The following TGFA variants were observed in gnomAD, a reference collection of about 807,000 sequenced individuals.
TGFA encodes the protein transforming growth factor alpha.
TGFA carries 12 observed loss-of-function variants against 21.7 expected under a neutral mutation model. That is an observed-to-expected ratio of 0.55 (90% CI 0.35 to 0.90). The LOEUF is 0.90. Ranked by LOEUF, TGFA falls within the 40% of genes least tolerant of loss-of-function variation. The probability of loss-of-function intolerance (pLI) is 0.01; values close to 1 mark genes in which losing one functional copy is unlikely to be tolerated. For synonymous variants in TGFA, 79 were observed against 88.1 expected, an observed-to-expected ratio of 0.90 and a Z score of 0.58; for missense variants, 178 against 210.8, an observed-to-expected ratio of 0.84 and a Z score of 0.96.
intron 2 of TGFA, among the ~76,000 whole-genome samples, chr2:70,504,450 A>ATATATATATATATATATG (rs1671844802): frequency 1.4e-5 from 1 of 72,000 alleles, no homozygotes; most frequent in African/African-American, 9.9e-5. Flanking sequence ...ATATATATAT[A>ATATATATATATATATATG]TATATATATA....
At chr2:70,534,750 G>C (rs1471567992) in intron 1 of TGFA, among the ~76,000 whole-genome samples, 2 of 152,154 alleles carry the variant, frequency 1.3e-5, no homozygotes, top group African/African-American at 4.8e-5. Flanking sequence ...TAACCAGCAT[G>C]ACAACCACCT....
chr2:70,524,290 T>C (rs1276044760), intron 1 of TGFA, among the ~76,000 whole-genome samples: 1 of 152,244 alleles, frequency 6.6e-6, no homozygotes, highest in Non-Finnish European at 1.5e-5. Context: ...GAAGGCCCTG[T>C]GCTTGCTCTC....
chr2:70,553,068 A>T (rs1159749822), intron 1 of TGFA: 1 of 1,108,784 alleles, frequency 9.0e-7, no homozygotes, highest in East Asian at 2.6e-5. Flanking sequence ...TACTCAAAGG[A>T]AACTGGCAAC....
intron 1 of TGFA, among the ~76,000 whole-genome samples, chr2:70,532,945 C>G (rs920177090): frequency 6.6e-6 from 1 of 151,754 alleles, no homozygotes; most frequent in African/African-American, 2.4e-5. Flanking sequence ...ACTGCAGCCT[C>G]GACCTCCCTG....
chr2:70,503,582 T>C (rs6707016), intron 2 of TGFA, among the ~76,000 whole-genome samples: 1 of 142,814 alleles, frequency 7.0e-6, no homozygotes, highest in African/African-American at 2.6e-5. Context: ...ATAATAATAA[T>C]AAAAAAAAAA....
intron 3 of TGFA, among the ~76,000 whole-genome samples, chr2:70,460,742 T>A (rs1451504116): frequency 6.6e-6 from 1 of 152,160 alleles, no homozygotes; most frequent in Admixed American, 6.5e-5. Flanking sequence ...CAGCAGGACC[T>A]CACAACATCC....
chr2:70,525,526 T>A (rs1239610221), intron 1 of TGFA, among the ~76,000 whole-genome samples: 2 of 152,128 alleles, frequency 1.3e-5, no homozygotes, highest in Non-Finnish European at 2.9e-5. Flanking sequence ...TAAATACACT[T>A]ACTTCTTGCA....
At chr2:70,515,486 C>T (rs960528490) in intron 1 of TGFA, among the ~76,000 whole-genome samples, 6 of 152,136 alleles carry the variant, frequency 3.9e-5, no homozygotes, top group African/African-American at 1.4e-4. Flanking sequence ...GCAGCCGGGC[C>T]AATGTGCTGT....
chr2:70,499,591 T>C (rs1355136832), intron 2 of TGFA, among the ~76,000 whole-genome samples: 3 of 152,244 alleles, frequency 2.0e-5, no homozygotes, highest in Non-Finnish European at 4.4e-5. Context: ...GTAACCTCGA[T>C]GCCATATTAA....
intron 2 of TGFA, among the ~76,000 whole-genome samples, chr2:70,514,221 C>T (rs1279593733): frequency 6.6e-6 from 1 of 152,112 alleles, no homozygotes; most frequent in South Asian, 2.1e-4. Context: ...GCTTAAAAAG[C>T]AGGAATCCAC....
intron 2 of TGFA, among the ~76,000 whole-genome samples, chr2:70,470,326 C>G (rs183326193): frequency 6.6e-6 from 1 of 152,144 alleles, no homozygotes; most frequent in African/African-American, 2.4e-5. Flanking sequence ...GAAAATCACA[C>G]GCACATGCCA....
At chr2:70,543,849 A>G (rs1673209148) in intron 1 of TGFA, among the ~76,000 whole-genome samples, 1 of 152,220 alleles carries the variant, frequency 6.6e-6, no homozygotes, top group African/African-American at 2.4e-5. Context: ...AAGCTGACAT[A>G]ATATTGATAT....
chr2:70,506,465 C>A (rs1255154271), intron 2 of TGFA, among the ~76,000 whole-genome samples: 1 of 152,142 alleles, frequency 6.6e-6, no homozygotes, highest in African/African-American at 2.4e-5. Flanking sequence ...ATCTGCATTT[C>A]AACAGAGTCA....
chr2:70,539,761 G>A (rs1414189570), intron 1 of TGFA, among the ~76,000 whole-genome samples: 1 of 152,130 alleles, frequency 6.6e-6, no homozygotes, highest in Non-Finnish European at 1.5e-5. Context: ...AGACAACCTT[G>A]ATATTTCAAT....
At chr2:70,483,696 G>GA (rs1553496120) in intron 2 of TGFA, among the ~76,000 whole-genome samples, 1 of 152,118 alleles carries the variant, frequency 6.6e-6, no homozygotes, top group Non-Finnish European at 1.5e-5. Context: ...GATAGCCTCA[G>GA]AAAACCATTG....
intron 2 of TGFA, among the ~76,000 whole-genome samples, chr2:70,478,809 C>T (rs569929510): frequency 6.6e-6 from 1 of 152,116 alleles, no homozygotes; most frequent in South Asian, 2.1e-4. Flanking sequence ...CCTTTTTTGT[C>T]TTTTGTATAA....
intron 1 of TGFA, among the ~76,000 whole-genome samples, chr2:70,536,441 G>A (rs754803068): frequency 4.9e-4 from 75 of 152,256 alleles, no homozygotes; most frequent in Admixed American, 2.7e-3. Flanking sequence ...GAGAGACCAC[G>A]TTCTGGGCCA....
At position 70,479,220 on chromosome 2, in the gene TGFA, A is replaced by AT. The variant is rs551548478; in HGVS notation, c.95-13485dup. Among the ~76,000 whole-genome samples, 367 of 152,242 alleles carry AT rather than the reference A, an allele frequency of 2.4e-3. 1 individual carries two copies. The highest frequency in any genetic ancestry group is 8.3e-3 in the African/African-American group (346 of 41,536). ...ATCTAGTTGAAGAGGCTCTTTGGAC[A>AT]TTTTTTCCAGGAAGGGCATGTGAAA... is the stretch of plus-strand genomic sequence containing the variant. On this transcript the variant is annotated intron_variant, in intron 2 of 5. Transcript: ENST00000295400.
intron 5 of TGFA, among the ~76,000 whole-genome samples, chr2:70,452,808 G>A (rs1007374671): frequency 1.3e-5 from 2 of 152,046 alleles, no homozygotes. Flanking sequence ...TGGGCGTGGT[G>A]GTGGGCAGCC....
Sources: allele counts gnomAD v4.1 joint callset (sites outside exome capture counted in the v4.1 genomes callset), GRCh38; gene constraint gnomAD v4.1.1; transcripts MANE v1.5; gene names NCBI Gene and HGNC (gene_info 2026-07-23, HGNC 2026-07-21).